The following BBS4 variants were observed in gnomAD, a reference collection of about 807,000 sequenced individuals.
BBS4 encodes Bardet-Biedl syndrome 4, also known as BBSome complex member BBS4.
In BBS4, 58 loss-of-function variants were observed where a neutral mutation model predicts 71.4. The ratio of observed to expected loss-of-function variants is 0.81; its 90% CI spans 0.66 to 1.01. The LOEUF (loss-of-function observed/expected upper bound fraction) is 1.01. Among genes scored for constraint, BBS4 ranks in the 50% least tolerant of loss-of-function variants. BBS4 has a pLI of 0.00. For missense variants in BBS4, 660 were observed against 607.9 expected (o/e 1.09, Z -0.90); for synonymous variants, 228 against 216.8 (o/e 1.05, Z -0.46).
intron 2 of BBS4, among the ~76,000 whole-genome samples, chr15:72,703,923 T>G (rs977262692): frequency 6.6e-6 from 1 of 152,244 alleles, no homozygotes; most frequent in African/African-American, 2.4e-5. Context: ...AAGCAGAATT[T>G]GAAATTCTTC....
chr15:72,737,601 G>A lies in BBS4; in HGVS notation c.*14G>A. 6.3e-7 allele frequency: 1 copy of A among 1,583,236 alleles called. No individual in the cohort carries two copies. The highest frequency in any genetic ancestry group is 8.6e-7 in the Non-Finnish European group (1 of 1,160,574). ...AGAGAGAAATAAGAATAGAATGAATGACCCCAAAATAGGGTTTTCTTGGGC... is the reference window on the plus strand; with the variant it reads ...AGAGAGAAATAAGAATAGAATGAATAACCCCAAAATAGGGTTTTCTTGGGC... On this transcript the variant is annotated 3_prime_UTR_variant, in exon 16 of 16. Coordinates refer to ENST00000268057, the MANE Select transcript of BBS4 (RefSeq NM_033028.5).
chr15:72,736,096 A>G (rs764109116), intron 14 of BBS4, 130 bp downstream of exon 14: 10 of 1,040,536 alleles, frequency 9.6e-6, no homozygotes, highest in Admixed American at 2.2e-5. Context: ...TCCTAGCAGC[A>G]TGAGTTCATC....
chr15:72,690,945 A>C (rs1462793536), intron 1 of BBS4, among the ~76,000 whole-genome samples: 1 of 152,018 alleles, frequency 6.6e-6, no homozygotes, highest in Non-Finnish European at 1.5e-5. Context: ...TTTAATTTGT[A>C]TTTCCTTCAT....
At chr15:72,717,109 C>G (rs1459251701) in intron 6 of BBS4, 2 of 471,242 alleles carry the variant, frequency 4.2e-6, no homozygotes, top group Non-Finnish European at 3.8e-6. Context: ...CCCCTAGAAG[C>G]TTTGGGTATT....
At chr15:72,691,587 G>A (rs1198589802) in intron 1 of BBS4, among the ~76,000 whole-genome samples, 2 of 151,982 alleles carry the variant, frequency 1.3e-5, no homozygotes, top group Non-Finnish European at 2.9e-5. Context: ...ACACTGTATA[G>A]TATCTTATTG....
At chr15:72,713,350 C>T (rs907352558) in intron 4 of BBS4, among the ~76,000 whole-genome samples, 4 of 113,146 alleles carry the variant, frequency 3.5e-5, no homozygotes, top group Admixed American at 1.1e-4. Flanking sequence ...CACACACACA[C>T]GCACACGCAC....
intron 8 of BBS4, among the ~76,000 whole-genome samples, chr15:72,726,391 C>T (rs1220016604): frequency 6.7e-5 from 10 of 150,258 alleles, no homozygotes; most frequent in Admixed American, 6.7e-5. Flanking sequence ...GGATTGCAGG[C>T]GTGAACCACT....
At chr15:72,735,233 C>T in intron 13 of BBS4, 51 bp downstream of exon 13, 2 of 1,421,030 alleles carry the variant, frequency 1.4e-6, no homozygotes, top group Non-Finnish European at 2.0e-6. Context: ...TCTCCAAAGC[C>T]ATGAGGTGGT....
chr15:72,709,662 T>C (rs765308634), intron 2 of BBS4, 38 bp from the exon 3 acceptor site: 2 of 1,451,886 alleles, frequency 1.4e-6, no homozygotes, highest in Admixed American at 3.3e-5. Flanking sequence ...GAAAATCTAA[T>C]GACTGTGTTG....
chr15:72,716,095 T>G (rs1389270364), intron 5 of BBS4, among the ~76,000 whole-genome samples: 1 of 152,216 alleles, frequency 6.6e-6, no homozygotes, highest in Admixed American at 6.5e-5. Context: ...GTAGAGTAGA[T>G]GTATTACATG....
At chr15:72,704,187 CTTT>C (rs1359025885) in intron 2 of BBS4, among the ~76,000 whole-genome samples, 1 of 152,062 alleles carries the variant, frequency 6.6e-6, no homozygotes. Context: ...TGAATGAGGT[CTTT>C]TTTATAACTC....
At chr15:72,734,272 T>C (rs2065879911) in intron 12 of BBS4, among the ~76,000 whole-genome samples, 1 of 152,230 alleles carries the variant, frequency 6.6e-6, no homozygotes, top group South Asian at 2.1e-4. Context: ...ACAGCCATAA[T>C]GTAAGAGATA....
At chr15:72,717,917 C>T (rs1489243775) in intron 6 of BBS4, among the ~76,000 whole-genome samples, 2 of 152,090 alleles carry the variant, frequency 1.3e-5, no homozygotes, top group Non-Finnish European at 1.5e-5. Flanking sequence ...GGCGTGATCT[C>T]GGCTCACTGC....
At chr15:72,688,324 G>A (rs971845323) in intron 1 of BBS4, among the ~76,000 whole-genome samples, 9 of 150,240 alleles carry the variant, frequency 6.0e-5, no homozygotes, top group African/African-American at 2.2e-4. Flanking sequence ...ATTGCTAGTA[G>A]TGTTACGTTT....
chr15:72,733,673 T>C (rs560923896), intron 12 of BBS4, among the ~76,000 whole-genome samples: 4 of 152,356 alleles, frequency 2.6e-5, no homozygotes, highest in South Asian at 4.1e-4. Flanking sequence ...CAGTCTACCA[T>C]TGATGGGCAT....
rs1190159086 is a variant in BBS4, at chr15:72,735,942, T to C, written c.1224T>C (p.Asn408=). The change falls in exon 14 of 16, where the codon AAT becomes AAC. Residue 408 remains asparagine (N), a synonymous_variant. Transcript: ENST00000268057. ...MEKKVSLLKD[N]SSLEFDSEMV... ...AGAAAGTCAGCCTACTCAAGGACAA[T>C]AGCTCTCTGGAATTTGACTCTGAGG... 4 of 1,613,942 alleles carry C rather than the reference T, an allele frequency of 2.5e-6. No individual in the cohort carries two copies. Among genetic ancestry groups the C allele is most frequent in the South Asian group, 2.2e-5 (2 of 91,080 alleles).
intron 2 of BBS4, chr15:72,698,024 T>C (rs1388863606): frequency 1.1e-5 from 5 of 456,012 alleles, no homozygotes; most frequent in Non-Finnish European, 2.2e-5. Context: ...TTGAAGATCT[T>C]ACCCATCATT....
intron 8 of BBS4, 106 bp from the exon 9 acceptor site, chr15:72,727,834 G>A (rs2065731449): frequency 3.5e-6 from 3 of 860,070 alleles, no homozygotes; most frequent in Non-Finnish European, 5.9e-6. Flanking sequence ...GGGAGGAAGA[G>A]GCTCAGTGGG....
chr15:72,712,326 G>A lies in BBS4; in HGVS notation c.220+19G>A. 6.2e-7 allele frequency: 1 copy of A among 1,607,802 alleles called. No homozygotes were observed. Among genetic ancestry groups the A allele is most frequent in the African/African-American group, 1.3e-5 (1 of 74,856 alleles). On this transcript the variant is annotated intron_variant, in intron 4 of 15. Coordinates refer to ENST00000268057, the MANE Select transcript of BBS4 (RefSeq NM_033028.5). ...GTCCAAGGTAAGACACATACTTCTTGTCTTCTTGCTAGAGAAATACACTTT... is the reference window on the plus strand; with the variant it reads ...GTCCAAGGTAAGACACATACTTCTTATCTTCTTGCTAGAGAAATACACTTT...
Sources: allele counts gnomAD v4.1 joint callset (sites outside exome capture counted in the v4.1 genomes callset), GRCh38; gene constraint gnomAD v4.1.1; transcripts MANE v1.5; gene names NCBI Gene and HGNC (gene_info 2026-07-23, HGNC 2026-07-21).